Variants in MAP2 observed in about 807,000 individuals in gnomAD.
MAP2 encodes microtubule associated protein 2.
MAP2 carries 14 observed loss-of-function variants against 137.6 expected under a neutral mutation model. The ratio of observed to expected loss-of-function variants is 0.10; its 90% confidence interval spans 0.07 to 0.16. The LOEUF is 0.16. MAP2 is among the 10% of genes least tolerant of loss of function. The pLI is 1.00. For synonymous variants in MAP2, 786 were observed against 782.3 expected, an observed-to-expected ratio of 1.00 and a Z score of -0.08; for missense variants, 2,088 against 2,191.5, an observed-to-expected ratio of 0.95 and a Z score of 0.94.
chr2:209,642,734 C>T (rs1509471), intron 4 of MAP2, among the ~76,000 whole-genome samples: 10,096 of 152,172 alleles, frequency 0.066, 799 homozygotes, highest in South Asian at 0.23. Flanking sequence ...TCTGGATTTT[C>T]AGCATATCTT....
At chr2:209,593,619 CA>C (rs781329429) in intron 3 of MAP2, among the ~76,000 whole-genome samples, 46 of 2,928 alleles carry the variant, frequency 0.016, 2 homozygotes, top group African/African-American at 0.026. Context: ...CCTGTCTCTA[CA>C]AAAAAAAAAA....
intron 5 of MAP2, among the ~76,000 whole-genome samples, chr2:209,674,621 AGATGGATGGATGGATGGATG>A (rs58681596): frequency 4.6e-5 from 7 of 150,594 alleles, no homozygotes; most frequent in South Asian, 2.1e-4. Context: ...ATATATAGAT[AGATGGATGGATGGATGGATG>A]GATGGATGGA....
intron 1 of MAP2, among the ~76,000 whole-genome samples, chr2:209,429,114 C>T (rs1693494803): frequency 1.3e-5 from 2 of 152,014 alleles, no homozygotes; most frequent in Non-Finnish European, 1.5e-5. Context: ...CCACCGCTCC[C>T]GGCTAATTTT....
chr2:209,645,201 T>G (rs935726614), intron 4 of MAP2, among the ~76,000 whole-genome samples: 1 of 152,238 alleles, frequency 6.6e-6, no homozygotes, highest in Non-Finnish European at 1.5e-5. Flanking sequence ...ATGTGCAATA[T>G]TCAGGCAATG....
At chr2:209,727,337 A>G (rs2074430149) in intron 14 of MAP2, among the ~76,000 whole-genome samples, 1 of 152,240 alleles carries the variant, frequency 6.6e-6, no homozygotes, top group Non-Finnish European at 1.5e-5. Flanking sequence ...ACTTGGCAAC[A>G]CTGCCTATTT....
chr2:209,516,680 A>G (rs1229864980), intron 2 of MAP2, among the ~76,000 whole-genome samples: 1 of 152,142 alleles, frequency 6.6e-6, no homozygotes, highest in Non-Finnish European at 1.5e-5. Flanking sequence ...GTTGCAAACC[A>G]TTTTAAATTT....
intron 3 of MAP2, among the ~76,000 whole-genome samples, chr2:209,588,299 C>T (rs900940242): frequency 6.6e-6 from 1 of 152,148 alleles, no homozygotes; most frequent in African/African-American, 2.4e-5. Context: ...AAATAGAAGT[C>T]TGAGTAAGTT....
intron 2 of MAP2, among the ~76,000 whole-genome samples, chr2:209,528,758 A>ACATATG (rs2064519759): frequency 3.4e-5 from 5 of 146,066 alleles, no homozygotes; most frequent in African/African-American, 1.1e-4. Context: ...GTACATATGT[A>ACATATG]TGTATATATG....
chr2:209,599,323 A>C (rs1017482185), intron 3 of MAP2, among the ~76,000 whole-genome samples: 3 of 151,490 alleles, frequency 2.0e-5, no homozygotes, highest in African/African-American at 7.3e-5. Context: ...AATTTGTTTG[A>C]GTTCATTGTA....
Position 209,653,349 on chromosome 2 carries a change from A to C in MAP2, c.179A>C (p.Glu60Ala). ...GAGGATGAAGAGGGTGCCTTTGGAG[A>C]GCATGGGTCACAGGGCACCTATTCA... is the stretch of plus-strand genomic sequence containing the variant. ...YREDEEGAFG[E>A]HGSQGTYSNT... is the part of the protein sequence containing the mutation. The change falls in exon 5 of 16, where the codon GAG becomes GCG. Residue 60 changes from glutamate (E) to alanine (A), a missense_variant. By Grantham distance (107) the Glu-to-Ala change is moderately radical. Around this residue, in one of 6 missense-constraint regions of MAP2, gnomAD observed 859 missense variants for 794.5 expected, o/e 1.08. Coordinates refer to ENST00000682079, the MANE Select transcript of MAP2 (RefSeq NM_001375505.1). The C allele has an allele frequency of 6.2e-7, 1 of 1,614,080 alleles. No homozygotes were observed. The highest frequency in any genetic ancestry group is 8.5e-7 in the Non-Finnish European group (1 of 1,179,988).
At chr2:209,666,509 T>C (rs1290773971) in intron 5 of MAP2, among the ~76,000 whole-genome samples, 1 of 152,072 alleles carries the variant, frequency 6.6e-6, no homozygotes, top group African/African-American at 2.4e-5. Flanking sequence ...TAACAGTAGT[T>C]CCCTTCTCTC....
At chr2:209,660,173 G>T (rs1313084370) in intron 5 of MAP2, among the ~76,000 whole-genome samples, 1 of 151,956 alleles carries the variant, frequency 6.6e-6, no homozygotes, top group Admixed American at 6.6e-5. Flanking sequence ...GGATTCCTTT[G>T]TCTCCCCATC....
At chr2:209,642,654 A>G (rs2094129229) in intron 4 of MAP2, among the ~76,000 whole-genome samples, 1 of 152,180 alleles carries the variant, frequency 6.6e-6, no homozygotes, top group African/African-American at 2.4e-5. Context: ...TGTGATGAAG[A>G]ATGATGAGTC....
chr2:209,693,761 A>C lies in MAP2; in HGVS notation c.1591A>C (p.Ser531Arg). 6.2e-7 allele frequency: 1 copy of C among 1,613,806 alleles called. No homozygotes were observed. The highest frequency in any genetic ancestry group is 8.5e-7 in the Non-Finnish European group (1 of 1,179,914). The change falls in exon 8 of 16, where the codon AGC becomes CGC. Residue 531 changes from serine to arginine, a missense_variant. Physicochemically the swap from Ser to Arg is moderately radical, Grantham distance 110 (BLOSUM62 -1). Coordinates refer to ENST00000682079, the MANE Select transcript of MAP2 (RefSeq NM_001375505.1). Reference protein sequence around the residue: ...MTEPSALIEKSSIQELFEMRV... With the variant: ...MTEPSALIEKRSIQELFEMRV... Reference sequence around the variant, plus strand: ...CGAACCATCTGCATTAATTGAAAAGAGCTCAATTCAGGAACTTTTTGAAAT... The same window carrying C: ...CGAACCATCTGCATTAATTGAAAAGCGCTCAATTCAGGAACTTTTTGAAAT...
In MAP2 at chr2:209,448,955, CA is replaced by C. The variant is rs1261979235; in HGVS notation, c.-222+24680del. Among the ~76,000 whole-genome samples, 10 of 152,288 alleles carry C rather than the reference CA, an allele frequency of 6.6e-5. No individual in the cohort carries two copies. In the South Asian group the frequency reaches 1.9e-3, roughly 28 times the overall value. On this transcript the variant is annotated intron_variant, in intron 1 of 15. Transcript: ENST00000682079. ...TGCATACTTATGGTACTTATGGCCA[CA>C]GTTTTTGGACTAGAGAGATATGGGG...
chr2:209,603,590 G>A lies in MAP2; in HGVS notation c.-106-21463G>A, dbSNP rs184627638. 3.2e-4 allele frequency among the ~76,000 whole-genome samples: 49 copies of A among 152,212 alleles called. 2 individuals carry two copies. The highest frequency in any genetic ancestry group is 3.2e-3 in the Admixed American group (49 of 15,260). On this transcript the variant is annotated intron_variant, in intron 3 of 15. Coordinates refer to ENST00000682079, the MANE Select transcript of MAP2 (RefSeq NM_001375505.1). Reference sequence around the variant, plus strand: ...GGTGGGCAGCTCCTTTTACTCAATAGATGTTAATAGCTAAGAAGGGGTTAC... The same window carrying A: ...GGTGGGCAGCTCCTTTTACTCAATAAATGTTAATAGCTAAGAAGGGGTTAC...
chr2:209,629,389 T>C (rs2092742809), intron 4 of MAP2, among the ~76,000 whole-genome samples: 1 of 152,142 alleles, frequency 6.6e-6, no homozygotes, highest in African/African-American at 2.4e-5. Flanking sequence ...GAGAAGCACT[T>C]GATGAGTGTT....
chr2:209,498,215 G>GT (rs1414209886), intron 1 of MAP2, among the ~76,000 whole-genome samples: 1 of 152,228 alleles, frequency 6.6e-6, no homozygotes, highest in Non-Finnish European at 1.5e-5. Context: ...AGCAGGGACA[G>GT]TTATTAAACT....
chr2:209,429,625 C>T (rs1574564481), intron 1 of MAP2, among the ~76,000 whole-genome samples: 2 of 152,098 alleles, frequency 1.3e-5, no homozygotes, highest in South Asian at 4.1e-4. Flanking sequence ...AAATACAGTG[C>T]TTGAATATCA....
Sources: gnomAD v4.1 joint callset for allele counts (sites outside exome capture counted in the v4.1 genomes callset) on GRCh38, gnomAD v4.1.1 for gene constraint, gnomAD v4.1.1 regional missense constraint, MANE v1.5 for transcripts, NCBI Gene and HGNC (gene_info 2026-07-23, HGNC 2026-07-21) for gene names.